The following ZNF729 variants were observed in gnomAD, a reference collection of about 807,000 sequenced individuals.
ZNF729 encodes the protein zinc finger protein 729.
In ZNF729, 15 loss-of-function variants were observed where a neutral mutation model predicts 12.2. The ratio of observed to expected loss-of-function variants is 1.23; its 90% CI spans 0.82 to 1.89. The LOEUF (loss-of-function observed/expected upper bound fraction) is 1.89, where lower values mean the gene tolerates loss of function less well. Among genes scored for constraint, ZNF729 ranks in the 40% most tolerant of loss-of-function variants. The pLI is 0.00. For synonymous variants in ZNF729, 492 were observed against 476.3 expected (o/e 1.03, Z -0.43); for missense variants, 1,540 against 1,456.7 (o/e 1.06, Z -0.93).
At chr19:22,303,067 G>A (rs896254648) in intron 1 of ZNF729, among the ~76,000 whole-genome samples, 3 of 152,126 alleles carry the variant, frequency 2.0e-5, no homozygotes, top group Non-Finnish European at 2.9e-5. Flanking sequence ...GAGCTACTGC[G>A]CCTGGCCTTT....
intron 1 of ZNF729, 119 bp downstream of exon 1, chr19:22,286,674 T>C: frequency 7.6e-7 from 1 of 1,307,200 alleles, no homozygotes; most frequent in Non-Finnish European, 1.1e-6. Flanking sequence ...CGCCTGGAGT[T>C]CTTTCCCATC....
intron 1 of ZNF729, among the ~76,000 whole-genome samples, chr19:22,290,449 A>G (rs922531089): frequency 2.0e-5 from 3 of 152,212 alleles, no homozygotes; most frequent in Admixed American, 6.5e-5. Flanking sequence ...CAACTCTGAG[A>G]TCTTCAAGGA....
chr19:22,315,179 A>G lies in ZNF729; in HGVS notation c.1762A>G (p.Arg588Gly). Reference sequence around the variant, plus strand: ...AGCTTTTAAGCATTTCTCAGCCCTCAGAAAACATAAGGTAATTCATACTAG... The same window carrying G: ...AGCTTTTAAGCATTTCTCAGCCCTCGGAAAACATAAGGTAATTCATACTAG... ...GKAFKHFSALRKHKVIHTREK... is the reference protein window; with the variant it reads ...GKAFKHFSALGKHKVIHTREK... The change falls in exon 4 of 4, where the codon AGA (arginine) becomes GGA (glycine). Residue 588 changes from arginine to glycine, a missense_variant. Coordinates refer to ENST00000601693, the MANE Select transcript of ZNF729 (RefSeq NM_001242680.2). 1 of 1,611,820 alleles carries G rather than the reference A, an allele frequency of 6.2e-7. No homozygotes were observed. Among genetic ancestry groups the G allele is most frequent in the Non-Finnish European group, 8.5e-7 (1 of 1,179,536 alleles).
chr19:22,313,622 T>G, intron 3 of ZNF729, 49 bp from the exon 4 acceptor site: 1 of 1,401,562 alleles, frequency 7.1e-7, no homozygotes, highest in Non-Finnish European at 9.3e-7. Flanking sequence ...TAAAGTATAT[T>G]CATCTGAGTC....
chr19:22,300,945 A>C (rs1968296771), intron 1 of ZNF729, among the ~76,000 whole-genome samples: 1 of 152,208 alleles, frequency 6.6e-6, no homozygotes, highest in Admixed American at 6.5e-5. Flanking sequence ...ATTTGAGAAA[A>C]AAGAAAAACT....
At chr19:22,302,212 C>T (rs939256122) in intron 1 of ZNF729, among the ~76,000 whole-genome samples, 3 of 152,308 alleles carry the variant, frequency 2.0e-5, no homozygotes, top group Non-Finnish European at 2.9e-5. Flanking sequence ...GAAGGAGGTC[C>T]TGAGACTCAA....
At chr19:22,296,076 C>G (rs1362566296) in intron 1 of ZNF729, among the ~76,000 whole-genome samples, 1 of 152,026 alleles carries the variant, frequency 6.6e-6, no homozygotes, top group Non-Finnish European at 1.5e-5. Context: ...GGAATATTGG[C>G]CTGAAGTTTT....
chr19:22,315,885 C>T lies in ZNF729; in HGVS notation c.2468C>T (p.Pro823Leu). 3 of 1,611,228 alleles carry T rather than the reference C, an allele frequency of 1.9e-6. No homozygotes were observed. Among genetic ancestry groups the T allele is most frequent in the Admixed American group, 3.3e-5 (2 of 59,970 alleles). Residue 823 changes from proline (P) to leucine (L), a missense_variant, in exon 4 of 4, where the codon CCC becomes CTC. By Grantham distance (98) the Pro-to-Leu change is moderately conservative. Coordinates refer to ENST00000601693, the MANE Select transcript of ZNF729 (RefSeq NM_001242680.2). ...VHKVIHTGEK[P>L]CKCEECGKAF... ...AAGGTAATTCATACTGGAGAGAAAC[C>T]CTGCAAATGTGAAGAATGTGGCAAA...
At chr19:22,293,038 T>G (rs1968175566) in intron 1 of ZNF729, among the ~76,000 whole-genome samples, 1 of 152,186 alleles carries the variant, frequency 6.6e-6, no homozygotes, top group Non-Finnish European at 1.5e-5. Context: ...TTTTTTGACT[T>G]TGTAATAACA....
intron 1 of ZNF729, among the ~76,000 whole-genome samples, chr19:22,290,680 A>G (rs1457498990): frequency 1.3e-5 from 2 of 152,168 alleles, no homozygotes; most frequent in Admixed American, 6.5e-5. Flanking sequence ...AAAGGAAATA[A>G]ACTTAAGTAA....
rs879105978 is a variant in ZNF729 at position 22,314,669 on chromosome 19, A to T, written c.1252A>T (p.Thr418Ser). 1 of 1,610,336 alleles carries T rather than the reference A, an allele frequency of 6.2e-7. No homozygotes were observed. The highest frequency in any genetic ancestry group is 1.1e-5 in the South Asian group (1 of 90,952). The change falls in exon 4 of 4, where the codon ACC (threonine) becomes TCC (serine). Residue 418 changes from threonine to serine, a missense_variant. Coordinates refer to ENST00000601693, the MANE Select transcript of ZNF729 (RefSeq NM_001242680.2). The part of the protein sequence containing the change: ...ECGKAFSQFS[T>S]LKKHKIIHTG... ...TGGCAAAGCTTTTAGCCAGTTCTCA[A>T]CCCTTAAAAAACATAAGATAATTCA... is the stretch of plus-strand genomic sequence containing the variant.
chr19:22,297,026 C>T (rs1479265194), intron 1 of ZNF729, among the ~76,000 whole-genome samples: 2 of 151,890 alleles, frequency 1.3e-5, no homozygotes, highest in Non-Finnish European at 2.9e-5. Flanking sequence ...AGAGTATGTG[C>T]CATGTGGTGA....
intron 1 of ZNF729, among the ~76,000 whole-genome samples, chr19:22,290,431 C>G (rs77067022): frequency 0.022 from 3,351 of 152,114 alleles, 110 homozygotes; most frequent in African/African-American, 0.077. Context: ...TGCAAGAGGA[C>G]GAAGTACCAA....
Position 22,314,300 on chromosome 19 carries a change from G to C in ZNF729, c.883G>C (p.Glu295Gln), listed in dbSNP as rs113578175. 11 of 1,610,522 alleles carry C rather than the reference G, an allele frequency of 6.8e-6. No homozygotes were observed. Among genetic ancestry groups the C allele is most frequent in the African/African-American group, 4.0e-5 (3 of 74,978 alleles). ...TACTGGAGAGAAAACCTACAAATGT[G>C]AAGAATGTGGCAAAGCTTTTAAGGG... is the stretch of plus-strand genomic sequence containing the variant. ...IHTGEKTYKCEECGKAFKGSS... is the reference protein window; with the variant it reads ...IHTGEKTYKCQECGKAFKGSS... The change falls in exon 4 of 4, where the codon GAA (glutamate) becomes CAA (glutamine). Residue 295 changes from glutamate to glutamine, a missense_variant. Transcript: ENST00000601693.
Position 22,286,579 on chromosome 19 carries a change from C to T in ZNF729, c.30+24C>T, listed in dbSNP as rs751317616. ...TGGTGAGAGTGCCGGGTCCGACATC[C>T]CGAGAAGGGGAAGGGGCTGATTGGA... On this transcript the variant is annotated intron_variant, in intron 1 of 3. Coordinates refer to ENST00000601693, the MANE Select transcript of ZNF729 (RefSeq NM_001242680.2). 2.5e-6 allele frequency: 4 copies of T among 1,613,830 alleles called. No individual in the cohort carries two copies. The African/African-American group carries it at 4.0e-5, about 16-fold the overall frequency.
intron 1 of ZNF729, among the ~76,000 whole-genome samples, chr19:22,290,847 ATTTC>A (rs1968142953): frequency 6.6e-6 from 1 of 152,166 alleles, no homozygotes. Flanking sequence ...TGGGAAGGGT[ATTTC>A]TTTCTGACTT....
chr19:22,306,437 CAA>C (rs199851275), intron 3 of ZNF729, among the ~76,000 whole-genome samples: 3 of 114,022 alleles, frequency 2.6e-5, no homozygotes, highest in Admixed American at 9.0e-5. Flanking sequence ...GACTCCATCT[CAA>C]AAAAAAAAAA....
intron 1 of ZNF729, among the ~76,000 whole-genome samples, chr19:22,301,719 CT>C (rs1220779941): frequency 6.6e-6 from 1 of 152,308 alleles, no homozygotes; most frequent in Non-Finnish European, 1.5e-5. Context: ...TAAATAAAAT[CT>C]GATGACAGAA....
chr19:22,310,636 G>A (rs958449522), intron 3 of ZNF729, among the ~76,000 whole-genome samples: 3 of 152,030 alleles, frequency 2.0e-5, no homozygotes, highest in African/African-American at 7.2e-5. Context: ...TTTTCATCAG[G>A]GACATCAGTC....
Sources: allele counts gnomAD v4.1 joint callset (sites outside exome capture counted in the v4.1 genomes callset), GRCh38; gene constraint gnomAD v4.1.1; transcripts MANE v1.5; gene names NCBI Gene and HGNC (gene_info 2026-07-23, HGNC 2026-07-21).